The following EPB41L4A variants were observed in gnomAD, a reference collection of about 807,000 sequenced individuals.
EPB41L4A encodes the protein erythrocyte membrane protein band 4.1 like 4A, also known as band 4.1-like protein 4A.
Under a neutral mutation model 108.6 loss-of-function variants are expected in EPB41L4A, and 100 were observed. The ratio of observed to expected loss-of-function variants is 0.92; its 90% CI spans 0.78 to 1.09. The LOEUF is 1.09. Among genes scored for constraint, EPB41L4A ranks in the 50% least tolerant of loss-of-function variants. EPB41L4A has a pLI of 0.00. For synonymous variants in EPB41L4A, 319 were observed against 289.0 expected, an observed-to-expected ratio of 1.10 and a Z score of -1.05; for missense variants, 1,030 against 842.7, an observed-to-expected ratio of 1.22 and a Z score of -2.75.
At chr5:112,205,076 T>C (rs753913587) in intron 14 of EPB41L4A, among the ~76,000 whole-genome samples, 17 of 152,232 alleles carry the variant, frequency 1.1e-4, no homozygotes, top group Admixed American at 3.9e-4. Context: ...TCATCAGCTA[T>C]AGTTTTTGAC....
intron 1 of EPB41L4A, among the ~76,000 whole-genome samples, chr5:112,404,218 G>A (rs1761950557): frequency 6.6e-6 from 1 of 152,172 alleles, no homozygotes; most frequent in South Asian, 2.1e-4. Context: ...AATAATGGCA[G>A]CTAACACACA....
intron 1 of EPB41L4A, among the ~76,000 whole-genome samples, chr5:112,327,792 C>G (rs189581028): frequency 2.0e-5 from 3 of 151,998 alleles, no homozygotes; most frequent in Non-Finnish European, 4.4e-5. Context: ...GTAAACATCT[C>G]GCAAGTAACA....
rs543708943 is a variant in EPB41L4A, at chr5:112,293,623, G to C, written c.205-13300C>G. On this transcript the variant is annotated intron_variant, in intron 2 of 22. Transcript: ENST00000261486. ...CACAAACCTGGGTCCTTCAAGAGCC[G>C]TTTTTGAGTCCGTGTCAAAATCAAC... Among the ~76,000 whole-genome samples, 13 of 152,288 alleles carry C rather than the reference G, an allele frequency of 8.5e-5. 1 individual carries two copies. Among genetic ancestry groups the C allele is most frequent in the Middle Eastern group, 3.4e-3 (1 of 294 alleles).
At chr5:112,222,515 A>G (rs773752096) in intron 12 of EPB41L4A, among the ~76,000 whole-genome samples, 38 of 152,234 alleles carry the variant, frequency 2.5e-4, no homozygotes, top group Non-Finnish European at 5.3e-4. Context: ...AGCTCAAATT[A>G]GAAAGGAATT....
intron 2 of EPB41L4A, among the ~76,000 whole-genome samples, chr5:112,282,243 C>T (rs1351503648): frequency 6.6e-6 from 1 of 152,164 alleles, no homozygotes; most frequent in Non-Finnish European, 1.5e-5. Flanking sequence ...GTGTGTTGGA[C>T]ACAACGCAGA....
chr5:112,280,453 C>T, intron 2 of EPB41L4A, 130 bp from the exon 3 acceptor site: 2 of 776,230 alleles, frequency 2.6e-6, no homozygotes, highest in South Asian at 1.5e-5. Flanking sequence ...CTCTCATATA[C>T]ACACACAAAC....
At chr5:112,256,462 A>T (rs1751105263) in intron 9 of EPB41L4A, among the ~76,000 whole-genome samples, 1 of 152,142 alleles carries the variant, frequency 6.6e-6, no homozygotes, top group African/African-American at 2.4e-5. Flanking sequence ...CAAATTAAGA[A>T]CTCAGCTGGA....
chr5:112,267,224 ACT>A (rs1751925968), intron 4 of EPB41L4A, among the ~76,000 whole-genome samples: 1 of 151,876 alleles, frequency 6.6e-6, no homozygotes, highest in Admixed American at 6.6e-5. Context: ...ATGCACACAC[ACT>A]CTCACACACT....
chr5:112,408,085 A>G (rs1762180194), intron 1 of EPB41L4A, among the ~76,000 whole-genome samples: 1 of 152,242 alleles, frequency 6.6e-6, no homozygotes, highest in African/African-American at 2.4e-5. Context: ...GATAGAATTC[A>G]GAGCCCAGAG....
chr5:112,170,649 T>G (rs1760521363), intron 19 of EPB41L4A, among the ~76,000 whole-genome samples: 1 of 152,218 alleles, frequency 6.6e-6, no homozygotes, highest in Non-Finnish European at 1.5e-5. Context: ...GGTAGGTGTC[T>G]TTTTTCTTCT....
chr5:112,174,990 A>G (rs1760787234), intron 18 of EPB41L4A, among the ~76,000 whole-genome samples: 3 of 152,174 alleles, frequency 2.0e-5, no homozygotes, highest in Admixed American at 2.0e-4. Flanking sequence ...GAAGCCACTG[A>G]GATGAACAAC....
At chr5:112,301,296 C>A (rs761340383) in intron 2 of EPB41L4A, among the ~76,000 whole-genome samples, 4 of 152,130 alleles carry the variant, frequency 2.6e-5, no homozygotes, top group Admixed American at 6.6e-5. Flanking sequence ...GATGGAAGAT[C>A]TGGAACTTAA....
intron 12 of EPB41L4A, among the ~76,000 whole-genome samples, chr5:112,149,698 A>T (rs1409782040): frequency 6.6e-6 from 1 of 152,216 alleles, no homozygotes; most frequent in Non-Finnish European, 1.5e-5. Flanking sequence ...TATAATTCAG[A>T]ACAAATAAAA....
chr5:112,361,710 A>T (rs572858822), intron 1 of EPB41L4A, among the ~76,000 whole-genome samples: 10,872 of 140,618 alleles, frequency 0.077, 473 homozygotes, highest in Middle Eastern at 0.12. Flanking sequence ...TGCTAAAAAA[A>T]AATAATAATA....
In EPB41L4A at chr5:112,163,319, G is replaced by T. The variant is rs1043666236; in HGVS notation, c.*1671C>A. Reference sequence around the variant, plus strand: ...GCTGGGGAGCAGCATTTAAACAGCTGAATTTTTAAATTACCTTTGAGAAAC... The same window carrying T: ...GCTGGGGAGCAGCATTTAAACAGCTTAATTTTTAAATTACCTTTGAGAAAC... On this transcript the variant is annotated 3_prime_UTR_variant, in exon 23 of 23. Coordinates refer to ENST00000261486, the MANE Select transcript of EPB41L4A (RefSeq NM_022140.5). The T allele has an allele frequency of 6.6e-5, 10 of 152,282 alleles. No individual in the cohort carries two copies. Among genetic ancestry groups the T allele is most frequent in the African/African-American group, 2.4e-4 (10 of 41,538 alleles). The allele number at this position is 152,282 out of a possible 1,614,324, so 9.4% of individuals were successfully genotyped here.
intron 18 of EPB41L4A, 115 bp from the exon 19 acceptor site, chr5:112,171,107 CAAGGA>C (rs974853646): frequency 4.5e-6 from 4 of 879,168 alleles, no homozygotes; most frequent in Non-Finnish European, 7.2e-6. Flanking sequence ...TGAGAACAGA[CAAGGA>C]AAGACTGGAC....
chr5:112,169,220 ACTTG>A, intron 20 of EPB41L4A, 115 bp from the exon 21 acceptor site: 1 of 740,320 alleles, frequency 1.4e-6, no homozygotes, highest in South Asian at 1.7e-5. Flanking sequence ...TTTAAAAAGA[ACTTG>A]ACTCCTAGGG....
chr5:112,326,197 A>G (rs1379567347), intron 1 of EPB41L4A, among the ~76,000 whole-genome samples: 2 of 152,052 alleles, frequency 1.3e-5, no homozygotes, highest in Non-Finnish European at 2.9e-5. Context: ...ACCATTCGAA[A>G]TCTTCCACTG....
rs192177908 is a variant in EPB41L4A, at chr5:112,296,381, T to C, written c.204+11005A>G. On this transcript the variant is annotated intron_variant, in intron 2 of 22. Transcript: ENST00000261486. ...TAGAAATTGTGGAGTTGAATTACTATAATAATCAATTAAGAAATTTTAAGA... is the reference window on the plus strand; with the variant it reads ...TAGAAATTGTGGAGTTGAATTACTACAATAATCAATTAAGAAATTTTAAGA... Among the ~76,000 whole-genome samples the C allele has an allele frequency of 2.0e-3, 303 of 152,262 alleles. 2 individuals carry two copies. The highest frequency in any genetic ancestry group is 2.2e-3 in the Non-Finnish European group (151 of 68,012).
Sources: gnomAD v4.1 joint callset for allele counts (sites outside exome capture counted in the v4.1 genomes callset) on GRCh38, gnomAD v4.1.1 for gene constraint, MANE v1.5 for transcripts, NCBI Gene and HGNC (gene_info 2026-07-23, HGNC 2026-07-21) for gene names.